Variants in SCFD2 observed in about 807,000 individuals in gnomAD.
The protein encoded by SCFD2 is sec1 family domain containing 2.
In SCFD2, 54 loss-of-function variants were observed where a neutral mutation model predicts 58.9. The observed-to-expected ratio is 0.92, with a 90% CI of 0.74 to 1.15. The LOEUF is 1.15. SCFD2 is among the 50% of genes most tolerant of loss of function. SCFD2 has a pLI of 0.00. For synonymous variants in SCFD2, 321 were observed against 335.9 expected (o/e 0.96, Z 0.49); for missense variants, 805 against 836.6 (o/e 0.96, Z 0.47).
chr4:53,161,309 T>C (rs1314161877), intron 4 of SCFD2, among the ~76,000 whole-genome samples: 2 of 152,172 alleles, frequency 1.3e-5, no homozygotes, highest in East Asian at 3.8e-4. Flanking sequence ...GTTTTTAAAA[T>C]GACATTAAAC....
chr4:53,201,389 G>A (rs1165022022), intron 4 of SCFD2, among the ~76,000 whole-genome samples: 1 of 152,142 alleles, frequency 6.6e-6, no homozygotes, highest in Non-Finnish European at 1.5e-5. Context: ...ATTCCATGGT[G>A]TATATGTGCC....
At chr4:53,297,499 T>C (rs1351276613) in intron 3 of SCFD2, among the ~76,000 whole-genome samples, 1 of 152,084 alleles carries the variant, frequency 6.6e-6, no homozygotes, top group Non-Finnish European at 1.5e-5. Flanking sequence ...TTGCTTTCCA[T>C]TTGCTTGGTA....
intron 6 of SCFD2, among the ~76,000 whole-genome samples, chr4:52,913,222 C>T (rs552048367): frequency 2.5e-4 from 38 of 152,106 alleles, no homozygotes; most frequent in African/African-American, 7.2e-4. Context: ...GGCCATGGAC[C>T]GCTACTGGTT....
In SCFD2 at chr4:53,120,567, G is replaced by A. The variant is rs138847164; in HGVS notation, c.1561+24766C>T. ...CCTAAATGTTATTAACAGTATAAGC[G>A]TTCATGGTTAACATCAAATGTCTCT... On this transcript the variant is annotated intron_variant, in intron 5 of 8. Transcript: ENST00000401642. 1.9e-3 allele frequency among the ~76,000 whole-genome samples: 295 copies of A among 152,182 alleles called. 3 individuals carry two copies. The highest frequency in any genetic ancestry group is 6.7e-3 in the African/African-American group (278 of 41,524).
At position 53,235,784 on chromosome 4, in the gene SCFD2, TGTGTGTGCATAC is replaced by T. The variant is rs937994719; in HGVS notation, c.1311+38030_1311+38041del. Among the ~76,000 whole-genome samples the T allele has an allele frequency of 3.3e-5, 5 of 152,188 alleles. No individual in the cohort carries two copies. In the South Asian group the frequency reaches 6.2e-4, roughly 19 times the overall value. ...GAGGAAATGAAAGTATGAGCATGCG[TGTGTGTGCATAC>T]GTGTGTGCATACATACGTGTGTGCA... On this transcript the variant is annotated intron_variant, in intron 4 of 8. Transcript: ENST00000401642.
At chr4:53,019,736 G>A (rs867743336) in intron 5 of SCFD2, among the ~76,000 whole-genome samples, 4 of 152,096 alleles carry the variant, frequency 2.6e-5, no homozygotes, top group African/African-American at 9.7e-5. Context: ...ATGCAGCTGA[G>A]CTTCTCAGCT....
chr4:53,164,114 C>T (rs536828003), intron 4 of SCFD2, among the ~76,000 whole-genome samples: 1 of 152,250 alleles, frequency 6.6e-6, no homozygotes, highest in East Asian at 1.9e-4. Flanking sequence ...GAGATGAACA[C>T]TCTATAAGGT....
chr4:53,209,550 A>G (rs758058935), intron 4 of SCFD2, among the ~76,000 whole-genome samples: 2 of 152,148 alleles, frequency 1.3e-5, no homozygotes, highest in Non-Finnish European at 2.9e-5. Context: ...ATTATACAGT[A>G]TAGCTTCTGC....
chr4:53,234,245 T>C (rs1391625851), intron 4 of SCFD2, among the ~76,000 whole-genome samples: 1 of 152,208 alleles, frequency 6.6e-6, no homozygotes, highest in African/African-American at 2.4e-5. Context: ...TACATTGTTA[T>C]TACACAGACT....
chr4:53,208,502 A>T (rs1056134953), intron 4 of SCFD2, among the ~76,000 whole-genome samples: 2 of 152,158 alleles, frequency 1.3e-5, no homozygotes, highest in African/African-American at 4.8e-5. Flanking sequence ...GTAGAAAAAG[A>T]CCTCATAGTT....
intron 5 of SCFD2, among the ~76,000 whole-genome samples, chr4:52,941,346 T>C (rs1235433449): frequency 6.6e-6 from 1 of 152,156 alleles, no homozygotes; most frequent in Non-Finnish European, 1.5e-5. Context: ...GTACTCAAAA[T>C]ATAAACAAAG....
In SCFD2 at chr4:53,243,578, G is replaced by A. The variant is rs1164529033; in HGVS notation, c.1311+30248C>T. ...GTAAAGCAACTATACAAACAAGTTG[G>A]CATAATGACCACTTATCAACATGAA... On this transcript the variant is annotated intron_variant, in intron 4 of 8. Transcript: ENST00000401642. Among the ~76,000 whole-genome samples, 6 of 152,092 alleles carry A rather than the reference G, an allele frequency of 3.9e-5. No homozygotes were observed. In the South Asian group the frequency reaches 1.2e-3, roughly 32 times the overall value.
intron 8 of SCFD2, among the ~76,000 whole-genome samples, chr4:52,880,958 G>A (rs1449671712): frequency 2.0e-5 from 3 of 152,276 alleles, no homozygotes; most frequent in Non-Finnish European, 4.4e-5. Context: ...GGCACATGCG[G>A]ATCAGAGCAG....
At chr4:53,038,872 A>G (rs1722828292) in intron 5 of SCFD2, among the ~76,000 whole-genome samples, 1 of 152,052 alleles carries the variant, frequency 6.6e-6, no homozygotes, top group South Asian at 2.1e-4. Context: ...TTTTTCTTTC[A>G]GAGATGGTGG....
At chr4:53,340,395 C>T (rs184782560) in intron 2 of SCFD2, among the ~76,000 whole-genome samples, 1,710 of 152,258 alleles carry the variant, frequency 0.011, 24 homozygotes, top group African/African-American at 0.039. Context: ...AACTACAAGG[C>T]GGCAGCGAGG....
At chr4:52,998,318 G>C (rs983375167) in intron 5 of SCFD2, among the ~76,000 whole-genome samples, 4 of 152,204 alleles carry the variant, frequency 2.6e-5, no homozygotes, top group Non-Finnish European at 5.9e-5. Flanking sequence ...CCTCGCAGGA[G>C]ATAGAAAATA....
At chr4:53,263,722 C>T (rs1197612645) in intron 4 of SCFD2, among the ~76,000 whole-genome samples, 3 of 152,138 alleles carry the variant, frequency 2.0e-5, no homozygotes, top group African/African-American at 4.8e-5. Context: ...TTTCTTTTGT[C>T]GGTTGGCCTC....
intron 2 of SCFD2, among the ~76,000 whole-genome samples, chr4:53,325,677 A>T (rs1211025549): frequency 1.3e-5 from 2 of 152,240 alleles, no homozygotes; most frequent in African/African-American, 4.8e-5. Context: ...TCACTATACA[A>T]GACTTTTGAC....
At chr4:53,359,177 G>GTTAA (rs1377174749) in intron 1 of SCFD2, among the ~76,000 whole-genome samples, 2 of 152,096 alleles carry the variant, frequency 1.3e-5, no homozygotes, top group Non-Finnish European at 2.9e-5. Context: ...TAAACATGAT[G>GTTAA]TTAACAATGT....
Sources: gnomAD v4.1 joint callset for allele counts (sites outside exome capture counted in the v4.1 genomes callset) on GRCh38, gnomAD v4.1.1 for gene constraint, MANE v1.5 for transcripts, NCBI Gene and HGNC (gene_info 2026-07-23, HGNC 2026-07-21) for gene names.